Variants in DIS3L2 observed in about 807,000 individuals in gnomAD.
DIS3L2 encodes DIS3-like exonuclease 2.
Under a neutral mutation model 97.5 loss-of-function variants are expected in DIS3L2, and 34 were observed. The observed-to-expected ratio is 0.35, with a 90% confidence interval of 0.27 to 0.46. The LOEUF is 0.46. DIS3L2 is among the 20% of genes least tolerant of loss of function. The pLI is 1.00. For synonymous variants in DIS3L2, 435 were observed against 445.2 expected (o/e 0.98, Z 0.29); for missense variants, 1,038 against 1,146.0 (o/e 0.91, Z 1.36).
At chr2:232,051,811 CAAAAAAAAAAAAA>C (rs58851349) in intron 5 of DIS3L2, among the ~76,000 whole-genome samples, 408 of 37,078 alleles carry the variant, frequency 0.011, 3 homozygotes, top group South Asian at 0.021. Flanking sequence ...GACTCCGTCT[CAAAAAAAAAAAAA>C]AAAAAAAAAA....
At chr2:232,249,898 G>T (rs1199221548) in intron 12 of DIS3L2, among the ~76,000 whole-genome samples, 1 of 152,210 alleles carries the variant, frequency 6.6e-6, no homozygotes, top group Non-Finnish European at 1.5e-5. Context: ...TAGCAAGGTA[G>T]TGCTATAATC....
intron 5 of DIS3L2, among the ~76,000 whole-genome samples, chr2:232,070,235 C>T (rs1447646101): frequency 6.6e-6 from 1 of 152,154 alleles, no homozygotes; most frequent in Non-Finnish European, 1.5e-5. Flanking sequence ...CACTGCACGC[C>T]AGCCTGGGCA....
intron 5 of DIS3L2, among the ~76,000 whole-genome samples, chr2:232,079,731 T>G (rs934448162): frequency 6.6e-6 from 1 of 151,856 alleles, no homozygotes; most frequent in Non-Finnish European, 1.5e-5. Context: ...GGCAGATATT[T>G]GAGCAGAGAC....
chr2:232,073,723 T>C (rs768262248), intron 5 of DIS3L2, among the ~76,000 whole-genome samples: 1 of 152,194 alleles, frequency 6.6e-6, no homozygotes, highest in Non-Finnish European at 1.5e-5. Flanking sequence ...AATTTTTTGG[T>C]TACAGGGACT....
At chr2:231,994,501 G>C (rs7573473) in intron 1 of DIS3L2, among the ~76,000 whole-genome samples, 5 of 152,068 alleles carry the variant, frequency 3.3e-5, no homozygotes, top group Non-Finnish European at 7.4e-5. Flanking sequence ...TGGTCTACTA[G>C]TGTCAACAGC....
chr2:232,083,428 A>G (rs1696471387), intron 5 of DIS3L2, among the ~76,000 whole-genome samples: 1 of 151,986 alleles, frequency 6.6e-6, no homozygotes, highest in Non-Finnish European at 1.5e-5. Flanking sequence ...TTGTGGAACC[A>G]CTAGTGGCAG....
At position 232,268,610 on chromosome 2, in the gene DIS3L2, T is replaced by C. The variant is rs1378336528; in HGVS notation, c.1659+5170T>C. Among the ~76,000 whole-genome samples the C allele has an allele frequency of 6.6e-6, 1 of 152,256 alleles. No individual in the cohort carries two copies. Among genetic ancestry groups the C allele is most frequent in the African/African-American group, 2.4e-5 (1 of 41,468 alleles). ...CTTTAAGAACACTGAGATTTGAATTTTATATAGTTTTCACACATCACAAAA... is the reference window on the plus strand; with the variant it reads ...CTTTAAGAACACTGAGATTTGAATTCTATATAGTTTTCACACATCACAAAA... On this transcript the variant is annotated intron_variant, in intron 13 of 20. Coordinates refer to ENST00000325385, the MANE Select transcript of DIS3L2 (RefSeq NM_152383.5). This position sits in a 1 kb window ranked among gnomAD's most constrained non-coding sequence, Gnocchi z 4.1.
chr2:232,268,258 G>A lies in DIS3L2; in HGVS notation c.1659+4818G>A, dbSNP rs1199344156. Among the ~76,000 whole-genome samples the A allele has an allele frequency of 6.6e-6, 1 of 152,170 alleles. No homozygotes were observed. Among genetic ancestry groups the A allele is most frequent in the Non-Finnish European group, 1.5e-5 (1 of 68,042 alleles). ...TCCAGGAGCTTCACAACTGCATCTTGTATAAATCCTACTTGGTGCAATTTT... is the reference window on the plus strand; with the variant it reads ...TCCAGGAGCTTCACAACTGCATCTTATATAAATCCTACTTGGTGCAATTTT... On this transcript the variant is annotated intron_variant, in intron 13 of 20. Coordinates refer to ENST00000325385, the MANE Select transcript of DIS3L2 (RefSeq NM_152383.5). This position sits in a 1 kb window ranked among gnomAD's most constrained non-coding sequence, Gnocchi z 4.1.
chr2:232,317,762 A>T (rs1023070462), intron 14 of DIS3L2, among the ~76,000 whole-genome samples: 8 of 152,146 alleles, frequency 5.3e-5, no homozygotes, highest in African/African-American at 1.7e-4. Context: ...TTACACCTCT[A>T]ATTGTCTCTG....
chr2:232,147,724 A>G (rs894431694), intron 8 of DIS3L2, among the ~76,000 whole-genome samples: 3 of 152,356 alleles, frequency 2.0e-5, no homozygotes, highest in African/African-American at 7.2e-5. Flanking sequence ...TAAAAGGGAA[A>G]GTTACTTTCA....
At position 232,014,961 on chromosome 2, in the gene DIS3L2, C is replaced by T. The variant is rs723044; in HGVS notation, c.34C>T (p.Pro12Ser). ...SHPDYRMNLR[P>S]LGTPRGVSAV... ...TCCTGACTACAGAATGAACCTCCGGCCCCTGGGGACCCCCAGAGGTAGTAA... is the reference window on the plus strand; with the variant it reads ...TCCTGACTACAGAATGAACCTCCGGTCCCTGGGGACCCCCAGAGGTAGTAA... Residue 12 changes from proline (P) to serine (S), a missense_variant, in exon 2 of 21, where the codon CCC (proline) becomes TCC (serine). By Grantham distance (74) the Pro-to-Ser change is moderately conservative (BLOSUM62 -1). Coordinates refer to ENST00000325385, the MANE Select transcript of DIS3L2 (RefSeq NM_152383.5). 62,268 of 1,613,506 alleles carry T rather than the reference C, an allele frequency of 0.039. 2,550 individuals carry two copies. The highest frequency in any genetic ancestry group is 0.2 in the African/African-American group (15,291 of 74,910).
intron 9 of DIS3L2, among the ~76,000 whole-genome samples, chr2:232,185,107 C>T (rs1476907327): frequency 1.3e-5 from 2 of 152,188 alleles, no homozygotes; most frequent in Non-Finnish European, 2.9e-5. Context: ...CTGGGTGTTA[C>T]TTTTCTGTTT....
chr2:232,031,897 A>G (rs764002027), intron 5 of DIS3L2, among the ~76,000 whole-genome samples: 1 of 152,244 alleles, frequency 6.6e-6, no homozygotes, highest in East Asian at 1.9e-4. Flanking sequence ...TATCCAGTCT[A>G]ACATTGATAG....
intron 13 of DIS3L2, among the ~76,000 whole-genome samples, chr2:232,270,225 A>G (rs1056847981): frequency 1.2e-4 from 18 of 152,156 alleles, no homozygotes; most frequent in South Asian, 2.1e-4. Context: ...CATAAAAGTA[A>G]TATGTTCTCA....
In DIS3L2 at chr2:232,335,793, C is replaced by G. The variant is rs62191214; in HGVS notation, c.2415C>G (p.His805Gln). 6.4e-7 allele frequency: 1 copy of G among 1,550,612 alleles called. No homozygotes were observed. Among genetic ancestry groups the G allele is most frequent in the Non-Finnish European group, 8.7e-7 (1 of 1,147,002 alleles). ...TCCAGGCACTGGCCCTGCGGTCCCA[C>G]CACTTCCAGAAGGTGGGCAAGAAGC... is the stretch of plus-strand genomic sequence containing the variant. ...IYCNALALRSHHFQKVGKKPE... is the reference protein window; with the variant it reads ...IYCNALALRSQHFQKVGKKPE... Residue 805 changes from histidine (H) to glutamine (Q), a missense_variant, in exon 20 of 21, where the codon CAC (histidine) becomes CAG (glutamine). Physicochemically the swap from His to Gln is conservative, Grantham distance 24. Coordinates refer to ENST00000325385, the MANE Select transcript of DIS3L2 (RefSeq NM_152383.5).
chr2:231,984,673 G>A (rs1187493402), intron 1 of DIS3L2, among the ~76,000 whole-genome samples: 1 of 151,956 alleles, frequency 6.6e-6, no homozygotes, highest in East Asian at 1.9e-4. Context: ...GATTACAGGC[G>A]TGAGCCACCG....
intron 9 of DIS3L2, among the ~76,000 whole-genome samples, chr2:232,176,208 CTT>C (rs576170259): frequency 6.6e-6 from 1 of 152,190 alleles, no homozygotes. Context: ...AGAACTTTGT[CTT>C]TTGCATCTTG....
intron 6 of DIS3L2, among the ~76,000 whole-genome samples, chr2:232,110,107 A>T (rs192898336): frequency 6.6e-6 from 1 of 152,220 alleles, no homozygotes; most frequent in East Asian, 1.9e-4. Flanking sequence ...AAAAAGCTCA[A>T]CATCATTAAT....
chr2:232,215,384 C>T (rs530649730), intron 10 of DIS3L2, among the ~76,000 whole-genome samples: 53 of 152,296 alleles, frequency 3.5e-4, no homozygotes, highest in African/African-American at 1.2e-3. Flanking sequence ...CCACTATCTG[C>T]ATAGAAAATA....
Sources: gnomAD v4.1 joint callset for allele counts (sites outside exome capture counted in the v4.1 genomes callset) on GRCh38, gnomAD v4.1.1 for gene constraint, Gnocchi (gnomAD v3.1) non-coding constraint, MANE v1.5 for transcripts, NCBI Gene and HGNC (gene_info 2026-07-23, HGNC 2026-07-21) for gene names.